USH2A: variants seen among roughly 807,000 people sequenced by gnomAD.
The protein encoded by USH2A is usherin, also known as Usher syndrome 2A (autosomal recessive, mild).
A neutral mutation model predicts 538.9 loss-of-function variants in USH2A; 443 were observed. The ratio of observed to expected loss-of-function variants is 0.82; its 90% CI spans 0.76 to 0.89. USH2A has a LOEUF of 0.89. USH2A is among the 40% of genes least tolerant of loss of function. USH2A has a pLI of 0.00. For synonymous variants in USH2A, 2,413 were observed against 2,273.5 expected (o/e 1.06, Z -1.75); for missense variants, 6,633 against 6,324.8 (o/e 1.05, Z -1.65).
chr1:216,410,497 T>C (rs534882100), intron 3 of USH2A, among the ~76,000 whole-genome samples: 1 of 152,226 alleles, frequency 6.6e-6, no homozygotes, highest in Non-Finnish European at 1.5e-5. Flanking sequence ...GTTACACCTT[T>C]TTAAATCCAT....
At chr1:216,071,274 A>C (rs1224922100) in intron 29 of USH2A, among the ~76,000 whole-genome samples, 1 of 152,228 alleles carries the variant, frequency 6.6e-6, no homozygotes, top group Non-Finnish European at 1.5e-5. Context: ...AGGGAAACAA[A>C]GTGAACATAA....
chr1:216,060,661 A>C (rs1333645256), intron 30 of USH2A, among the ~76,000 whole-genome samples: 1 of 152,174 alleles, frequency 6.6e-6, no homozygotes, highest in Non-Finnish European at 1.5e-5. Context: ...GCAACAATAA[A>C]ATTGAGAAAA....
chr1:215,685,943 A>G (rs1183723783), intron 61 of USH2A, among the ~76,000 whole-genome samples: 1 of 152,112 alleles, frequency 6.6e-6, no homozygotes, highest in African/African-American at 2.4e-5. Context: ...CTCACAATAC[A>G]AGAAAGGTAG....
At chr1:216,306,423 T>C (rs2037318171) in intron 9 of USH2A, among the ~76,000 whole-genome samples, 1 of 152,160 alleles carries the variant, frequency 6.6e-6, no homozygotes. Context: ...TCCTGTAACA[T>C]TTTTGAAATT....
At chr1:216,101,131 C>A (rs554760655) in intron 21 of USH2A, among the ~76,000 whole-genome samples, 1 of 152,212 alleles carries the variant, frequency 6.6e-6, no homozygotes, top group South Asian at 2.1e-4. Context: ...AAAATGCACA[C>A]GTTCACTGAA....
At chr1:215,658,716 C>T (rs999411410) in intron 64 of USH2A, among the ~76,000 whole-genome samples, 1 of 152,194 alleles carries the variant, frequency 6.6e-6, no homozygotes, top group Non-Finnish European at 1.5e-5. Flanking sequence ...ATCCATCTCT[C>T]GTGCCACTTA....
intron 21 of USH2A, among the ~76,000 whole-genome samples, chr1:216,149,242 G>T (rs913472101): frequency 6.6e-6 from 1 of 152,102 alleles, no homozygotes; most frequent in Admixed American, 6.5e-5. Flanking sequence ...AATAAGTAGA[G>T]GCCTTTCCTA....
At chr1:216,061,906 C>T (rs571457402) in intron 30 of USH2A, among the ~76,000 whole-genome samples, 4 of 152,278 alleles carry the variant, frequency 2.6e-5, no homozygotes, top group South Asian at 2.1e-4. Flanking sequence ...GGTGGCTGCG[C>T]GGCTAATGCA....
intron 56 of USH2A, among the ~76,000 whole-genome samples, chr1:215,763,949 G>A (rs574710161): frequency 4.5e-4 from 68 of 152,256 alleles, no homozygotes; most frequent in African/African-American, 1.6e-3. Flanking sequence ...CATCAAGAGT[G>A]TCAAGCTTTG....
intron 14 of USH2A, among the ~76,000 whole-genome samples, chr1:216,218,420 AG>A (rs2035387444): frequency 1.3e-5 from 2 of 152,158 alleles, no homozygotes; most frequent in Admixed American, 6.6e-5. Flanking sequence ...AGCACATGTA[AG>A]AAGACCACTC....
At chr1:215,642,870 T>C (rs1419849275) in intron 67 of USH2A, among the ~76,000 whole-genome samples, 3 of 152,064 alleles carry the variant, frequency 2.0e-5, no homozygotes, top group Non-Finnish European at 4.4e-5. Context: ...ACACCTCACC[T>C]CTCTCTCCAC....
intron 9 of USH2A, among the ~76,000 whole-genome samples, chr1:216,309,127 G>A (rs1215772718): frequency 6.6e-6 from 1 of 152,158 alleles, no homozygotes; most frequent in African/African-American, 2.4e-5. Flanking sequence ...ACAGGTACAT[G>A]CCAACCTTAT....
intron 70 of USH2A, among the ~76,000 whole-genome samples, chr1:215,630,467 T>C (rs1281468250): frequency 4.2e-5 from 4 of 95,882 alleles, no homozygotes; most frequent in African/African-American, 1.7e-4. Flanking sequence ...TATATATGTA[T>C]GTGTATGTGT....
At chr1:216,415,212 A>T (rs1395256377) in intron 3 of USH2A, among the ~76,000 whole-genome samples, 1 of 151,996 alleles carries the variant, frequency 6.6e-6, no homozygotes, top group Non-Finnish European at 1.5e-5. Context: ...TCCACACTCC[A>T]CTTACTTGTT....
intron 35 of USH2A, among the ~76,000 whole-genome samples, chr1:215,992,228 A>C (rs1427829548): frequency 6.6e-6 from 1 of 152,200 alleles, no homozygotes; most frequent in Non-Finnish European, 1.5e-5. Flanking sequence ...CTATATTAAA[A>C]GTCTTCTTGA....
At position 215,662,537 on chromosome 1, in the gene USH2A, C is replaced by T. The variant is rs540854288; in HGVS notation, c.14133+8435G>A. On this transcript the variant is annotated intron_variant, in intron 64 of 71. Transcript: ENST00000307340. Reference sequence around the variant, plus strand: ...ATTAGAGCATGCTCCTGAATGTGCTCACACTGACAGGTGGAAATGATCTCC... The same window carrying T: ...ATTAGAGCATGCTCCTGAATGTGCTTACACTGACAGGTGGAAATGATCTCC... 2.6e-5 allele frequency among the ~76,000 whole-genome samples: 4 copies of T among 152,280 alleles called. No homozygotes were observed. The East Asian group carries it at 7.7e-4, about 29-fold the overall frequency.
intron 61 of USH2A, among the ~76,000 whole-genome samples, chr1:215,710,294 A>G (rs922790893): frequency 1.3e-5 from 2 of 152,176 alleles, no homozygotes; most frequent in Non-Finnish European, 2.9e-5. Flanking sequence ...CCCAATTCAA[A>G]CCAAAGCACG....
chr1:216,403,237 C>T (rs572840913), intron 3 of USH2A, among the ~76,000 whole-genome samples: 35 of 151,930 alleles, frequency 2.3e-4, no homozygotes, highest in Non-Finnish European at 4.1e-4. Context: ...ATTTAATACT[C>T]AAAACTCCAA....
intron 44 of USH2A, among the ~76,000 whole-genome samples, chr1:215,848,894 A>T (rs560795585): frequency 1.3e-5 from 2 of 152,326 alleles, no homozygotes; most frequent in South Asian, 4.1e-4. Flanking sequence ...TAAGGTCTTT[A>T]AACTTTGATG....
Sources: allele counts gnomAD v4.1 joint callset (sites outside exome capture counted in the v4.1 genomes callset), GRCh38; gene constraint gnomAD v4.1.1; transcripts MANE v1.5; gene names NCBI Gene and HGNC (gene_info 2026-07-23, HGNC 2026-07-21).